The following CSMD1 variants were observed in gnomAD, a reference collection of about 807,000 sequenced individuals.
The protein encoded by CSMD1 is CUB and sushi domain-containing protein 1.
CSMD1 carries 213 observed loss-of-function variants against 417.5 expected under a neutral mutation model. The observed-to-expected ratio is 0.51, with a 90% confidence interval of 0.46 to 0.57. The LOEUF is 0.57. Among genes scored for constraint, CSMD1 ranks in the 20% least tolerant of loss-of-function variants. The pLI, the probability that CSMD1 is intolerant of heterozygous loss-of-function variation, is 0.00. For missense variants in CSMD1, 6,923 were observed against 4,529.7 expected, an observed-to-expected ratio of 1.53 and a Z score of -15.17; for synonymous variants, 2,862 against 1,736.8, an observed-to-expected ratio of 1.65 and a Z score of -16.11.
chr8:4,534,742 T>C (rs776706365), intron 2 of CSMD1, among the ~76,000 whole-genome samples: 56 of 152,112 alleles, frequency 3.7e-4, no homozygotes, highest in Non-Finnish European at 6.5e-4. Context: ...TCCAACTCCA[T>C]CCACGTACAA....
chr8:4,691,452 C>A (rs1806763335), intron 1 of CSMD1, among the ~76,000 whole-genome samples: 1 of 152,170 alleles, frequency 6.6e-6, no homozygotes, highest in Non-Finnish European at 1.5e-5. Flanking sequence ...TCCTTCTTGA[C>A]AATTTTATCA....
chr8:4,371,220 C>A (rs553207749), intron 3 of CSMD1, among the ~76,000 whole-genome samples: 93 of 152,258 alleles, frequency 6.1e-4, no homozygotes, highest in African/African-American at 2.2e-3. Context: ...GGGCTACATG[C>A]TCTCACCGTG....
intron 3 of CSMD1, among the ~76,000 whole-genome samples, chr8:4,392,845 G>A (rs1803942967): frequency 6.6e-6 from 1 of 151,868 alleles, no homozygotes; most frequent in Non-Finnish European, 1.5e-5. Context: ...GCAGGCACCT[G>A]TAATCCCAGC....
chr8:4,938,839 C>T (rs1026226409), intron 1 of CSMD1, among the ~76,000 whole-genome samples: 66 of 152,132 alleles, frequency 4.3e-4, no homozygotes, highest in African/African-American at 1.6e-3. Context: ...ATTATTGAAA[C>T]AGGTGTAACG....
intron 2 of CSMD1, among the ~76,000 whole-genome samples, chr8:4,442,705 G>A (rs938890962): frequency 2.0e-5 from 3 of 152,118 alleles, no homozygotes; most frequent in East Asian, 1.9e-4. Flanking sequence ...GTAGTTCCCC[G>A]AAATGTGTAT....
At position 3,118,415 on chromosome 8, in the gene CSMD1, A is replaced by T. The variant is rs537884952; in HGVS notation, c.6414T>A (p.Pro2138=). 6.2e-7 allele frequency: 1 copy of T among 1,612,350 alleles called. No homozygotes were observed. The highest frequency in any genetic ancestry group is 1.1e-5 in the South Asian group (1 of 90,746). Residue 2138 remains proline (P), a synonymous_variant, in exon 42 of 70, where the codon CCT becomes CCA. Transcript: ENST00000635120. ...TGAACTTACCATCACATCTTGGAAA[A>T]GGGTAGTTCCAGTTTCTGTTGATCC... is the stretch of plus-strand genomic sequence containing the variant. ...QHGINRNWNY[P]FPRCDAPCGY... is the part of the protein sequence containing the mutation.
At chr8:3,898,154 A>T (rs955519043) in intron 5 of CSMD1, among the ~76,000 whole-genome samples, 9 of 152,190 alleles carry the variant, frequency 5.9e-5, no homozygotes, top group Admixed American at 3.9e-4. Flanking sequence ...AAGTGGAGTC[A>T]ACTATAAGCC....
intron 15 of CSMD1, among the ~76,000 whole-genome samples, chr8:3,401,234 A>G (rs1339271158): frequency 1.3e-5 from 2 of 152,114 alleles, no homozygotes; most frequent in African/African-American, 4.8e-5. Flanking sequence ...TAGTTGAGCA[A>G]TTTCTAAAAT....
chr8:4,818,837 T>C (rs1041222755), intron 1 of CSMD1, among the ~76,000 whole-genome samples: 103 of 152,332 alleles, frequency 6.8e-4, no homozygotes, highest in African/African-American at 2.3e-3. Flanking sequence ...TTATGCATTA[T>C]CATTTTTCCC....
chr8:3,810,003 C>T (rs991516844), intron 5 of CSMD1, among the ~76,000 whole-genome samples: 9 of 152,200 alleles, frequency 5.9e-5, no homozygotes, highest in Admixed American at 1.3e-4. Flanking sequence ...CCAGCTCTGA[C>T]TGCCACATGC....
chr8:3,968,683 T>C (rs546056056), intron 5 of CSMD1, among the ~76,000 whole-genome samples: 2 of 152,256 alleles, frequency 1.3e-5, no homozygotes, highest in South Asian at 4.1e-4. Context: ...GTGTTAGTCA[T>C]TAAGCTTGCT....
chr8:3,980,920 A>C (rs1023288511), intron 5 of CSMD1, among the ~76,000 whole-genome samples: 11 of 152,130 alleles, frequency 7.2e-5, no homozygotes, highest in African/African-American at 2.7e-4. Context: ...AATTGTTCTA[A>C]AACATCCCGC....
chr8:3,319,961 C>A, intron 23 of CSMD1, among the ~76,000 whole-genome samples: 1 of 152,044 alleles, frequency 6.6e-6, no homozygotes, highest in Non-Finnish European at 1.5e-5. Flanking sequence ...TTGTTATCAC[C>A]TTAGACTTAA....
intron 3 of CSMD1, among the ~76,000 whole-genome samples, chr8:4,074,168 T>G (rs1799702921): frequency 6.6e-6 from 1 of 152,124 alleles, no homozygotes; most frequent in African/African-American, 2.4e-5. Flanking sequence ...ATGCATAACT[T>G]GTATGGTCCA....
chr8:3,324,250 A>AC (rs1806362120), intron 23 of CSMD1, among the ~76,000 whole-genome samples: 1 of 93,276 alleles, frequency 1.1e-5, no homozygotes, highest in African/African-American at 4.5e-5. Flanking sequence ...AGTTTCCTTC[A>AC]CCCCACCTTT....
At chr8:4,855,852 C>A (rs868652371) in intron 1 of CSMD1, among the ~76,000 whole-genome samples, 1 of 150,750 alleles carries the variant, frequency 6.6e-6, no homozygotes, top group Non-Finnish European at 1.5e-5. Flanking sequence ...AGGATATTAT[C>A]CAGGAGAACT....
chr8:4,116,410 C>G (rs552247053), intron 3 of CSMD1, among the ~76,000 whole-genome samples: 1 of 151,816 alleles, frequency 6.6e-6, no homozygotes, highest in Non-Finnish European at 1.5e-5. Context: ...TGAACCCTAA[C>G]GTAAGCTGTA....
intron 1 of CSMD1, among the ~76,000 whole-genome samples, chr8:4,855,365 C>G (rs1168159442): frequency 6.6e-6 from 1 of 152,164 alleles, no homozygotes; most frequent in Admixed American, 6.5e-5. Context: ...GCCTCTCCTC[C>G]TCCAAAGGAA....
At chr8:3,025,645 A>C (rs1809815669) in intron 51 of CSMD1, among the ~76,000 whole-genome samples, 1 of 152,188 alleles carries the variant, frequency 6.6e-6, no homozygotes, top group South Asian at 2.1e-4. Context: ...ACATATCTCC[A>C]CCAAAACAAC....
Sources: allele counts gnomAD v4.1 joint callset (sites outside exome capture counted in the v4.1 genomes callset), GRCh38; gene constraint gnomAD v4.1.1; transcripts MANE v1.5; gene names NCBI Gene and HGNC (gene_info 2026-07-23, HGNC 2026-07-21).